Variants in ANKS1B observed in about 807,000 individuals in gnomAD.
ANKS1B encodes ankyrin repeat and sterile alpha motif domain containing 1B.
A neutral mutation model predicts 148.3 loss-of-function variants in ANKS1B; 36 were observed. That is an observed-to-expected ratio of 0.24 (90% CI 0.19 to 0.32). ANKS1B has a LOEUF of 0.32. ANKS1B is among the 10% of genes least tolerant of loss of function. The pLI, the probability that ANKS1B is intolerant of heterozygous loss-of-function variation, is 1.00. For synonymous variants in ANKS1B, 542 were observed against 560.8 expected (o/e 0.97, Z 0.47); for missense variants, 1,157 against 1,542.6 (o/e 0.75, Z 4.19).
chr12:99,268,797 T>A (rs1227670926), intron 12 of ANKS1B, among the ~76,000 whole-genome samples: 1 of 152,172 alleles, frequency 6.6e-6, no homozygotes, highest in Non-Finnish European at 1.5e-5. Flanking sequence ...AATATGACAG[T>A]CAAGGGCATG....
Position 99,246,486 on chromosome 12 carries a change from C to G in ANKS1B, c.2135G>C (p.Arg712Thr), listed in dbSNP as rs768251877. The G allele has an allele frequency of 6.8e-6, 11 of 1,613,738 alleles. No homozygotes were observed. The highest frequency in any genetic ancestry group is 9.3e-6 in the Non-Finnish European group (11 of 1,179,864). The change falls in exon 13 of 27, where the codon AGA (arginine) becomes ACA (threonine). Residue 712 changes from arginine (R) to threonine (T), a missense_variant. This residue lies in a region of ANKS1B where 661 missense variants were observed against 642.1 expected (regional missense o/e 1.03). Transcript: ENST00000683438. Reference protein sequence around the residue: ...WVMNAGGFVERACTLGRIRSL... With the variant: ...WVMNAGGFVETACTLGRIRSL... ...CCTTATTCTCCCCAGAGTACAGGCTCTCTCCACAAATCCCCCTGCGTTCAT... is the reference window on the plus strand; with the variant it reads ...CCTTATTCTCCCCAGAGTACAGGCTGTCTCCACAAATCCCCCTGCGTTCAT...
In ANKS1B at chr12:98,842,169, C is replaced by T. The variant is rs543508603; in HGVS notation, c.2779-10033G>A. ...ATAATAGCTAAAAATTAGCAATAATCCAAATGTCCGATCAACTGGTGAATG... is the reference window on the plus strand; with the variant it reads ...ATAATAGCTAAAAATTAGCAATAATTCAAATGTCCGATCAACTGGTGAATG... On this transcript the variant is annotated intron_variant, in intron 17 of 26. Coordinates refer to ENST00000683438, the MANE Select transcript of ANKS1B (RefSeq NM_001352186.2). Among the ~76,000 whole-genome samples, 23 of 152,278 alleles carry T rather than the reference C, an allele frequency of 1.5e-4. 1 individual carries two copies. In the South Asian group the frequency reaches 4.6e-3, roughly 30 times the overall value.
At chr12:99,107,877 G>A (rs191278498) in intron 15 of ANKS1B, among the ~76,000 whole-genome samples, 36 of 150,750 alleles carry the variant, frequency 2.4e-4, no homozygotes, top group African/African-American at 8.7e-4. Flanking sequence ...TAGACGAAGA[G>A]AGAAATAAAC....
chr12:99,760,742 A>T (rs1178675632), intron 8 of ANKS1B, among the ~76,000 whole-genome samples: 1 of 151,656 alleles, frequency 6.6e-6, no homozygotes, highest in Non-Finnish European at 1.5e-5. Context: ...ATACAAAAAA[A>T]TCTATAAAAC....
At chr12:98,860,684 G>A (rs2099594707) in intron 17 of ANKS1B, among the ~76,000 whole-genome samples, 1 of 152,050 alleles carries the variant, frequency 6.6e-6, no homozygotes, top group African/African-American at 2.4e-5. Flanking sequence ...TCCATCCATG[G>A]ACACAGGGAG....
At chr12:99,806,365 G>A in intron 4 of ANKS1B, 39 bp downstream of exon 4, 1 of 1,601,494 alleles carries the variant, frequency 6.2e-7, no homozygotes, top group Non-Finnish European at 8.5e-7. Context: ...CCAAGCAACA[G>A]CATCATCACT....
Position 99,718,142 on chromosome 12 carries a change from C to T in ANKS1B, c.1128+54780G>A, listed in dbSNP as rs192349102. ...ATGGTCTCGATCTGACCTCGTGATCCGCCCGCCTCTGCTTCCCAAAGTGCT... is the reference window on the plus strand; with the variant it reads ...ATGGTCTCGATCTGACCTCGTGATCTGCCCGCCTCTGCTTCCCAAAGTGCT... On this transcript the variant is annotated intron_variant, in intron 8 of 26. Coordinates refer to ENST00000683438, the MANE Select transcript of ANKS1B (RefSeq NM_001352186.2). Among the ~76,000 whole-genome samples the T allele has an allele frequency of 8.2e-3, 1,241 of 151,908 alleles. 19 individuals are homozygous for T. Among genetic ancestry groups the T allele is most frequent in the African/African-American group, 0.028 (1,177 of 41,468 alleles).
chr12:98,878,470 C>T (rs1012753819), intron 17 of ANKS1B, among the ~76,000 whole-genome samples: 1 of 152,172 alleles, frequency 6.6e-6, no homozygotes, highest in South Asian at 2.1e-4. Context: ...ATTATTACTG[C>T]CCATCTGGTG....
chr12:99,756,417 A>C (rs2061570855), intron 8 of ANKS1B, among the ~76,000 whole-genome samples: 1 of 152,028 alleles, frequency 6.6e-6, no homozygotes, highest in Admixed American at 6.6e-5. Flanking sequence ...AAAACACTGC[A>C]CAAAGAAATC....
At chr12:99,084,802 T>C in intron 16 of ANKS1B, 123 bp downstream of exon 16, 7 of 685,586 alleles carry the variant, frequency 1.0e-5, no homozygotes, top group Non-Finnish European at 1.7e-5. Flanking sequence ...CCTAAGAAGA[T>C]CTGCTCTTGA....
chr12:99,323,907 T>A (rs2085803010), intron 12 of ANKS1B, among the ~76,000 whole-genome samples: 2 of 152,036 alleles, frequency 1.3e-5, no homozygotes, highest in South Asian at 4.1e-4. Context: ...TTGTATAATA[T>A]TTTTTTTCCT....
At chr12:98,884,449 C>G (rs1489804310) in intron 17 of ANKS1B, among the ~76,000 whole-genome samples, 1 of 152,220 alleles carries the variant, frequency 6.6e-6, no homozygotes, top group Non-Finnish European at 1.5e-5. Flanking sequence ...ATATGCTTCT[C>G]TGTATTTACA....
chr12:99,207,546 G>A (rs1316437853), intron 14 of ANKS1B, among the ~76,000 whole-genome samples: 2 of 151,960 alleles, frequency 1.3e-5, no homozygotes, highest in African/African-American at 4.8e-5. Flanking sequence ...ATATGAGGAA[G>A]CACATGTTTC....
intron 1 of ANKS1B, among the ~76,000 whole-genome samples, chr12:99,893,960 A>G (rs753495648): frequency 3.9e-5 from 6 of 152,088 alleles, no homozygotes; most frequent in Non-Finnish European, 5.9e-5. Flanking sequence ...ACGGAGCCCA[A>G]CTTTTAAATA....
chr12:99,908,864 TCTA>T (rs2093893328), intron 1 of ANKS1B, among the ~76,000 whole-genome samples: 1 of 152,188 alleles, frequency 6.6e-6, no homozygotes, highest in South Asian at 2.1e-4. Context: ...TTGGTGATAA[TCTA>T]CTCTCTTAGC....
chr12:99,643,490 C>T (rs750927011), intron 9 of ANKS1B, among the ~76,000 whole-genome samples: 61 of 152,126 alleles, frequency 4.0e-4, no homozygotes, highest in Non-Finnish European at 7.9e-4. Context: ...GGTTTCAAGC[C>T]CTGGGAATAA....
intron 1 of ANKS1B, among the ~76,000 whole-genome samples, chr12:99,933,242 T>G (rs1424329614): frequency 3.3e-5 from 5 of 152,130 alleles, no homozygotes; most frequent in Non-Finnish European, 7.4e-5. Context: ...TTGTCTATTT[T>G]GGGTCCTTTG....
At chr12:99,639,087 T>C (rs1003509026) in intron 9 of ANKS1B, among the ~76,000 whole-genome samples, 2 of 151,944 alleles carry the variant, frequency 1.3e-5, no homozygotes, top group Non-Finnish European at 2.9e-5. Context: ...ATGGAGAACC[T>C]CTGATAGGGC....
At chr12:99,400,815 A>G (rs12580110) in intron 11 of ANKS1B, among the ~76,000 whole-genome samples, 15,759 of 144,808 alleles carry the variant, frequency 0.11, 4,105 homozygotes, top group African/African-American at 0.37. Flanking sequence ...CTTTTGGTTT[A>G]CTAATGTTTT....
Sources: allele counts gnomAD v4.1 joint callset (sites outside exome capture counted in the v4.1 genomes callset), GRCh38; gene constraint gnomAD v4.1.1; regional missense constraint gnomAD v4.1.1; transcripts MANE v1.5; gene names NCBI Gene and HGNC (gene_info 2026-07-23, HGNC 2026-07-21).